HYDIN: variants seen among roughly 807,000 people sequenced by gnomAD.
HYDIN encodes HYDIN axonemal central pair apparatus protein, also known as axonemal central pair apparatus protein HYDIN.
In HYDIN, 132 loss-of-function variants were observed where a neutral mutation model predicts 403.9. The ratio of observed to expected loss-of-function variants is 0.33; its 90% CI spans 0.28 to 0.38. The LOEUF (loss-of-function observed/expected upper bound fraction) is 0.38, where lower values mean the gene tolerates loss of function less well. Among genes scored for constraint, HYDIN ranks in the 10% least tolerant of loss-of-function variants. HYDIN has a pLI of 1.00. For missense variants in HYDIN, 2,827 were observed against 5,009.5 expected (o/e 0.56, Z 13.15); for synonymous variants, 1,202 against 1,891.7 (o/e 0.64, Z 9.46).
rs1259020755 is a variant in HYDIN, at chr16:71,230,648, G to A, written c.-110C>T. 4 of 1,536,036 alleles carry A rather than the reference G, an allele frequency of 2.6e-6. No individual in the cohort carries two copies. The highest frequency in any genetic ancestry group is 2.6e-6 in the Non-Finnish European group (3 of 1,146,852). ...AACTCACAGACCCCGCCGCCGCTGA[G>A]GGGCTCCATACCCAGCTTGAAGCCG... On this transcript the variant is annotated 5_prime_UTR_variant, in exon 1 of 86. Transcript: ENST00000393567.
intron 29 of HYDIN, among the ~76,000 whole-genome samples, 185 bp downstream of exon 29, chr16:70,981,206 C>T (rs1030799381): frequency 2.6e-5 from 4 of 152,238 alleles, no homozygotes; most frequent in African/African-American, 7.2e-5. Context: ...TCACTTGGGG[C>T]TGCCATAGAC....
At chr16:71,203,945 G>A in intron 1 of HYDIN, 1 of 369,814 alleles carries the variant, frequency 2.7e-6, no homozygotes, top group Non-Finnish European at 5.3e-6. Context: ...CACACCTTTA[G>A]TCCCGGCTAC....
intron 43 of HYDIN, among the ~76,000 whole-genome samples, 179 bp from the exon 44 acceptor site, chr16:70,938,934 T>C (rs1472136252): frequency 1.3e-5 from 2 of 152,088 alleles, no homozygotes; most frequent in Non-Finnish European, 2.9e-5. Flanking sequence ...TTGGGCTCTG[T>C]CTGCAGGTGG....
At chr16:70,927,063 T>G (rs1188600461) in intron 45 of HYDIN, among the ~76,000 whole-genome samples, 1 of 152,020 alleles carries the variant, frequency 6.6e-6, no homozygotes, top group African/African-American at 2.4e-5. Flanking sequence ...AGAGAAAGAA[T>G]GGAGAAGAAA....
intron 1 of HYDIN, among the ~76,000 whole-genome samples, chr16:71,214,942 C>T (rs975439671): frequency 1.3e-5 from 2 of 152,156 alleles, no homozygotes; most frequent in Admixed American, 1.3e-4. Flanking sequence ...GGCAGAGATC[C>T]AGGATAAGAT....
At position 71,193,850 on chromosome 16, in the gene HYDIN, CT is replaced by C. The variant is rs570538217; in HGVS notation, c.-23-6933del. Among the ~76,000 whole-genome samples, 64 of 152,262 alleles carry C rather than the reference CT, an allele frequency of 4.2e-4. 2 individuals are homozygous for C. In the South Asian group the frequency reaches 0.012, roughly 29 times the overall value. ...TGTCTCAAAAAACTCATTTCCTATA[CT>C]TTTTTTCTGCCATCTTCTATTCCCA... On this transcript the variant is annotated intron_variant, in intron 1 of 85. Coordinates refer to ENST00000393567, the MANE Select transcript of HYDIN (RefSeq NM_001270974.2).
chr16:70,938,450 G>A (rs1330086266), intron 44 of HYDIN, among the ~76,000 whole-genome samples, 164 bp downstream of exon 44: 1 of 152,232 alleles, frequency 6.6e-6, no homozygotes, highest in East Asian at 1.9e-4. Context: ...CACCCTTGAT[G>A]GGCGGGATGC....
intron 6 of HYDIN, among the ~76,000 whole-genome samples, chr16:71,158,706 T>C (rs1457726654): frequency 7.0e-6 from 1 of 142,700 alleles, no homozygotes; most frequent in Admixed American, 7.2e-5. Context: ...TTTTGAGACA[T>C]GGTTTTTCTC....
chr16:70,979,922 TCAAACAAACAAA>T (rs531189209), intron 29 of HYDIN, among the ~76,000 whole-genome samples: 1 of 150,966 alleles, frequency 6.6e-6, no homozygotes, highest in Admixed American at 6.6e-5. Context: ...AGACTCTGTA[TCAAACAAACAAA>T]CAAACAAACA....
chr16:70,909,684 ATGTC>A (rs1420756278), intron 47 of HYDIN, among the ~76,000 whole-genome samples: 1 of 120,848 alleles, frequency 8.3e-6, no homozygotes, highest in East Asian at 2.5e-4. Context: ...TGTCTCAGGC[ATGTC>A]TTTTTTTTTT....
At chr16:71,046,901 C>G (rs1476207748) in intron 18 of HYDIN, among the ~76,000 whole-genome samples, 2 of 151,986 alleles carry the variant, frequency 1.3e-5, no homozygotes, top group African/African-American at 2.4e-5. Flanking sequence ...ACCATGACAG[C>G]CATCTCTTAA....
At position 70,961,936 on chromosome 16, in the gene HYDIN, A is replaced by T. The variant is rs545064784; in HGVS notation, c.5968+23T>A. 2.0e-4 allele frequency: 229 copies of T among 1,128,186 alleles called. 1 individual carries two copies. The African/African-American group carries it at 4.8e-3, about 23-fold the overall frequency. 69.9% of individuals were successfully genotyped at this position (1,128,186 alleles called of 1,614,324 possible). A position where few individuals can be genotyped will look rare whatever the true frequency, so the allele number is the denominator to read the frequency against. ...TTTCTGCTTGGAGAGAACTAGTATC[A>T]AAACACTAAAATGCTCGGTTACTTT... On this transcript the variant is annotated intron_variant, in intron 38 of 85. Transcript: ENST00000393567.
intron 3 of HYDIN, among the ~76,000 whole-genome samples, chr16:71,181,564 T>C (rs2086906195): frequency 6.6e-6 from 1 of 152,176 alleles, no homozygotes; most frequent in South Asian, 2.1e-4. Flanking sequence ...GTATATACTC[T>C]TTAATTTCTG....
intron 18 of HYDIN, among the ~76,000 whole-genome samples, chr16:71,038,082 C>CAG (rs1455841487): frequency 3.3e-5 from 5 of 152,210 alleles, no homozygotes; most frequent in Non-Finnish European, 1.5e-5. Context: ...GCCTGAAAGC[C>CAG]AGAGTCGTTT....
At chr16:71,148,242 C>A (rs1387455658) in intron 7 of HYDIN, among the ~76,000 whole-genome samples, 3 of 151,260 alleles carry the variant, frequency 2.0e-5, no homozygotes, top group South Asian at 4.2e-4. Context: ...TTTTTTTAAC[C>A]TGATAGAGTC....
intron 5 of HYDIN, among the ~76,000 whole-genome samples, chr16:71,174,329 G>A (rs1227914094): frequency 6.6e-6 from 1 of 152,116 alleles, no homozygotes; most frequent in African/African-American, 2.4e-5. Flanking sequence ...ATAGTAGAGG[G>A]AATACTGGTA....
At chr16:70,986,350 T>A (rs954425070) in intron 27 of HYDIN, among the ~76,000 whole-genome samples, 3 of 151,688 alleles carry the variant, frequency 2.0e-5, no homozygotes, top group African/African-American at 7.3e-5. Context: ...TAGGAAAAGC[T>A]AGGGTGAGGT....
chr16:70,958,513 T>C (rs1183421041), intron 39 of HYDIN, among the ~76,000 whole-genome samples: 1 of 151,312 alleles, frequency 6.6e-6, no homozygotes, highest in African/African-American at 2.4e-5. Context: ...CCTTCTGACA[T>C]TCCTTTTAGT....
Position 70,882,788 on chromosome 16 carries a change from C to T in HYDIN, c.10087G>A (p.Glu3363Lys), listed in dbSNP as rs745395357. 6 of 1,494,034 alleles carry T rather than the reference C, an allele frequency of 4.0e-6. No individual in the cohort carries two copies. The highest frequency in any genetic ancestry group is 4.5e-5 in the East Asian group (2 of 44,280). The allele number at this position is 1,494,034 out of a possible 1,614,324, so 92.5% of individuals were successfully genotyped here. Reference sequence around the variant, plus strand: ...CAGAAGATGAACTTGTTCTCATCCTCGACGAACAGCCCCCCGCTCTCTATG... The same window carrying T: ...CAGAAGATGAACTTGTTCTCATCCTTGACGAACAGCCCCCCGCTCTCTATG... ...QTIESGGLFVEDENKFIFCNV... is the reference protein window; with the variant it reads ...QTIESGGLFVKDENKFIFCNV... The change falls in exon 60 of 86, where the codon GAG becomes AAG. Residue 3363 changes from glutamate (E) to lysine (K), a missense_variant. Transcript: ENST00000393567.
Sources: allele counts gnomAD v4.1 joint callset (sites outside exome capture counted in the v4.1 genomes callset), GRCh38; gene constraint gnomAD v4.1.1; transcripts MANE v1.5; gene names NCBI Gene and HGNC (gene_info 2026-07-23, HGNC 2026-07-21).